The following THAP6 variants were observed in gnomAD, a reference collection of about 807,000 sequenced individuals.
THAP6 encodes the protein THAP domain-containing protein 6.
In THAP6, 13 loss-of-function variants were observed where a neutral mutation model predicts 20.0. That is an observed-to-expected ratio of 0.65 (90% CI 0.42 to 1.03). The LOEUF (loss-of-function observed/expected upper bound fraction) is 1.03. Among genes scored for constraint, THAP6 ranks in the 50% least tolerant of loss-of-function variants. The pLI, the probability that THAP6 is intolerant of heterozygous loss-of-function variation, is 0.00. For synonymous variants in THAP6, 93 were observed against 92.2 expected (o/e 1.01, Z -0.05); for missense variants, 262 against 261.6 (o/e 1.00, Z -0.01).
At chr4:75,541,267 G>A (rs890107900) in intron 2 of THAP6, among the ~76,000 whole-genome samples, 4 of 152,166 alleles carry the variant, frequency 2.6e-5, no homozygotes, top group East Asian at 1.9e-4. Context: ...AAATAAAACC[G>A]TGGCGTGCCC....
chr4:75,521,660 A>C (rs1257377433), intron 3 of THAP6, 76 bp from the exon 4 acceptor site: 7 of 1,415,342 alleles, frequency 4.9e-6, no homozygotes, highest in Non-Finnish European at 5.7e-6. Flanking sequence ...TCACTATACA[A>C]AGTTAAGAAG....
intron 2 of THAP6, among the ~76,000 whole-genome samples, chr4:75,537,000 T>C (rs1437323766): frequency 6.6e-6 from 1 of 152,092 alleles, no homozygotes; most frequent in East Asian, 1.9e-4. Context: ...AAAGGGTCAA[T>C]TAAGAGGATA....
chr4:75,530,160 C>A (rs1379994158), downstream of THAP6: 1 of 772,640 alleles, frequency 1.3e-6, no homozygotes, highest in Non-Finnish European at 1.6e-6. Context: ...GGTTAGATGA[C>A]CCACGTAGCA....
At chr4:75,518,061 T>C (rs1313707459) in intron 3 of THAP6, among the ~76,000 whole-genome samples, 1 of 152,194 alleles carries the variant, frequency 6.6e-6, no homozygotes, top group Non-Finnish European at 1.5e-5. Context: ...AGTGATCAGG[T>C]AGAGAATGCC....
chr4:75,542,385 A>C (rs1422307177), intron 2 of THAP6: 1 of 700,630 alleles, frequency 1.4e-6, no homozygotes, highest in Non-Finnish European at 2.6e-6. Flanking sequence ...AAATCCTCGT[A>C]TTTCTGCCTG....
chr4:75,525,035 G>A (rs879508711), intron 4 of THAP6, among the ~76,000 whole-genome samples: 15 of 152,182 alleles, frequency 9.9e-5, no homozygotes, highest in Non-Finnish European at 1.9e-4. Context: ...TGGGCCAGGC[G>A]TGAGCCACCG....
chr4:75,531,650 AAG>A (rs1394646649), downstream of THAP6, among the ~76,000 whole-genome samples: 15 of 152,210 alleles, frequency 9.9e-5, no homozygotes. Flanking sequence ...TTATAAAAGA[AAG>A]AAGTTTAATG....
downstream of THAP6, among the ~76,000 whole-genome samples, chr4:75,532,059 A>G (rs934371529): frequency 3.3e-5 from 5 of 152,144 alleles, no homozygotes; most frequent in African/African-American, 7.2e-5. Context: ...CAAAGTCTCA[A>G]TTCATTTCAG....
Position 75,529,009 on chromosome 4 carries a change from C to G in THAP6, c.*1795C>G, listed in dbSNP as rs554518567. 1.6e-6 allele frequency: 1 copy of G among 638,390 alleles called. No homozygotes were observed. The highest frequency in any genetic ancestry group is 1.9e-6 in the Non-Finnish European group (1 of 513,698). 39.5% of individuals were successfully genotyped at this position (638,390 alleles called of 1,614,324 possible). A position where few individuals can be genotyped will look rare whatever the true frequency, so the allele number is the denominator to read the frequency against. On this transcript the variant is annotated 3_prime_UTR_variant, in exon 5 of 5. Transcript: ENST00000311638. ...CGGAGATTGCAGTGAGCCAAGATCA[C>G]GCCGTTGCACTCCAGCCTGAGCAAC... is the stretch of plus-strand genomic sequence containing the variant.
chr4:75,544,099 T>C (rs975204244), intron 3 of THAP6, among the ~76,000 whole-genome samples: 8 of 152,154 alleles, frequency 5.3e-5, no homozygotes, highest in East Asian at 1.9e-4. Flanking sequence ...ACACTTTTTA[T>C]AATGGAAAGT....
chr4:75,546,552 T>C (rs893001201), intron 3 of THAP6, among the ~76,000 whole-genome samples: 10 of 152,334 alleles, frequency 6.6e-5, no homozygotes, highest in Admixed American at 2.6e-4. Context: ...AGAAAGAATA[T>C]GGGCATGTGT....
downstream of THAP6, among the ~76,000 whole-genome samples, chr4:75,533,584 C>A (rs993200320): frequency 1.3e-5 from 2 of 152,070 alleles, no homozygotes; most frequent in Non-Finnish European, 2.9e-5. Flanking sequence ...AAAGACATAC[C>A]CGAGACTGGG....
chr4:75,525,545 T>A (rs1045578602), intron 4 of THAP6, among the ~76,000 whole-genome samples: 1 of 152,230 alleles, frequency 6.6e-6, no homozygotes, highest in Non-Finnish European at 1.5e-5. Flanking sequence ...CTTTCTTAAT[T>A]GTCTGCTAAT....
chr4:75,519,051 C>G (rs1233860046), intron 3 of THAP6, among the ~76,000 whole-genome samples: 1 of 152,208 alleles, frequency 6.6e-6, no homozygotes, highest in Non-Finnish European at 1.5e-5. Context: ...ACCCAGAAGC[C>G]TCCCTCACAT....
At chr4:75,531,042 A>G (rs1352566105), downstream of THAP6, among the ~76,000 whole-genome samples, 2 of 152,234 alleles carry the variant, frequency 1.3e-5, no homozygotes, top group Non-Finnish European at 2.9e-5. Flanking sequence ...TGAAACTGCT[A>G]TCCTTGGAAA....
upstream of THAP6, chr4:75,514,018 G>C: frequency 1.1e-6 from 1 of 904,594 alleles, no homozygotes; most frequent in Admixed American, 2.9e-5. Context: ...AGGTAGGAAA[G>C]GTGGGGCTTA....
intron 2 of THAP6, chr4:75,542,363 C>G: frequency 1.4e-6 from 1 of 696,104 alleles, no homozygotes; most frequent in Non-Finnish European, 2.6e-6. Flanking sequence ...TAGAGCTGAT[C>G]GCAATTTTCA....
intron 2 of THAP6, chr4:75,542,393 C>T: frequency 1.4e-6 from 1 of 700,570 alleles, no homozygotes; most frequent in East Asian, 2.7e-5. Context: ...GTATTTCTGC[C>T]TGTGTTTTGT....
In THAP6 at chr4:75,514,517, A is replaced by G. The variant is rs1725364997; in HGVS notation, c.-24A>G. ...GACGTTAGTCGCAGTCTTCGCTGCT[A>G]ACGGTAATAACTCTTAGGTTGCCTG... On this transcript the variant is annotated 5_prime_UTR_variant, in exon 1 of 5. Coordinates refer to ENST00000311638, the MANE Select transcript of THAP6 (RefSeq NM_144721.6). 2 of 508,422 alleles carry G rather than the reference A, an allele frequency of 3.9e-6. No individual in the cohort carries two copies. Among genetic ancestry groups the G allele is most frequent in the Non-Finnish European group, 7.2e-6 (2 of 279,416 alleles). 31.5% of individuals were successfully genotyped at this position (508,422 alleles called of 1,614,324 possible).
Sources: gnomAD v4.1 joint callset for allele counts (sites outside exome capture counted in the v4.1 genomes callset) on GRCh38, gnomAD v4.1.1 for gene constraint, MANE v1.5 for transcripts, NCBI Gene and HGNC (gene_info 2026-07-23, HGNC 2026-07-21) for gene names.